The following CADM2 variants were observed in gnomAD, a reference collection of about 807,000 sequenced individuals.
The protein encoded by CADM2 is cell adhesion molecule 2.
A neutral mutation model predicts 49.8 loss-of-function variants in CADM2; 12 were observed. The observed-to-expected ratio is 0.24, with a 90% CI of 0.15 to 0.39. The LOEUF (loss-of-function observed/expected upper bound fraction) is 0.39. Ranked by LOEUF, CADM2 falls within the 10% of genes least tolerant of loss-of-function variation. The pLI, the probability that CADM2 is intolerant of heterozygous loss-of-function variation, is 1.00. For missense variants in CADM2, 378 were observed against 492.3 expected (o/e 0.77, Z 2.20); for synonymous variants, 214 against 175.4 (o/e 1.22, Z -1.74).
chr3:85,359,385 A>G (rs2032138855), intron 1 of CADM2, among the ~76,000 whole-genome samples: 1 of 151,786 alleles, frequency 6.6e-6, no homozygotes, highest in Non-Finnish European at 1.5e-5. Flanking sequence ...TCATAGGGAC[A>G]ATAAGAGGCA....
chr3:85,941,898 C>T (rs973350740), intron 7 of CADM2, among the ~76,000 whole-genome samples: 2 of 151,968 alleles, frequency 1.3e-5, no homozygotes, highest in Non-Finnish European at 2.9e-5. Flanking sequence ...TTCTCTCATG[C>T]ATAAATGTTT....
Position 85,796,829 on chromosome 3 carries a change from G to T in CADM2, c.89-5218G>T, listed in dbSNP as rs577451537. ...ATTACTTCTCTGGCCAGTTGTGGTG[G>T]CTCATGCCTGTAATCCCAGCACTTT... is the stretch of plus-strand genomic sequence containing the variant. On this transcript the variant is annotated intron_variant, in intron 2 of 9. Transcript: ENST00000383699. Among the ~76,000 whole-genome samples the T allele has an allele frequency of 7.6e-4, 115 of 152,164 alleles. 2 individuals are homozygous for T. The highest frequency in any genetic ancestry group is 3.4e-3 in the Middle Eastern group (1 of 294).
intron 2 of CADM2, among the ~76,000 whole-genome samples, chr3:85,743,688 T>C (rs2068489222): frequency 6.6e-6 from 1 of 152,010 alleles, no homozygotes; most frequent in Non-Finnish European, 1.5e-5. Context: ...TCCTCACAAA[T>C]CCAGATACAG....
chr3:85,700,740 C>G (rs1331529990), intron 1 of CADM2, among the ~76,000 whole-genome samples: 1 of 152,152 alleles, frequency 6.6e-6, no homozygotes, highest in African/African-American at 2.4e-5. Context: ...TTCCTCATTT[C>G]CATTTGAGAT....
chr3:85,050,088 C>CAGAGGG (rs2035824911), intron 1 of CADM2, among the ~76,000 whole-genome samples: 1 of 151,846 alleles, frequency 6.6e-6, no homozygotes, highest in Non-Finnish European at 1.5e-5. Context: ...GTTGTGGAAA[C>CAGAGGG]AGAGTGTATC....
intron 1 of CADM2, among the ~76,000 whole-genome samples, chr3:85,634,683 A>G (rs2064407846): frequency 6.6e-6 from 1 of 152,066 alleles, no homozygotes; most frequent in East Asian, 1.9e-4. Context: ...GCAATTTTAC[A>G]TATATATGTG....
intron 3 of CADM2, among the ~76,000 whole-genome samples, chr3:85,876,951 G>A (rs1364380980): frequency 2.0e-5 from 3 of 152,042 alleles, no homozygotes; most frequent in African/African-American, 7.2e-5. Context: ...CAAAATACAC[G>A]TTTGTATGAT....
intron 2 of CADM2, among the ~76,000 whole-genome samples, chr3:85,770,998 C>T (rs1199053216): frequency 6.6e-6 from 1 of 152,182 alleles, no homozygotes; most frequent in East Asian, 1.9e-4. Context: ...TATCCTGTGT[C>T]TCATGATAGG....
intron 1 of CADM2, among the ~76,000 whole-genome samples, chr3:85,118,787 T>C (rs984585681): frequency 6.6e-6 from 1 of 152,230 alleles, no homozygotes; most frequent in Non-Finnish European, 1.5e-5. Context: ...TTCACTCTTG[T>C]TGACCAGGCT....
At chr3:85,101,675 G>A (rs2038019117) in intron 1 of CADM2, among the ~76,000 whole-genome samples, 1 of 152,128 alleles carries the variant, frequency 6.6e-6, no homozygotes, top group Admixed American at 6.5e-5. Context: ...CATGACTACA[G>A]CTTAGAAGTA....
intron 1 of CADM2, among the ~76,000 whole-genome samples, chr3:85,286,348 G>T (rs1053531223): frequency 2.6e-5 from 4 of 152,130 alleles, no homozygotes; most frequent in African/African-American, 9.7e-5. Context: ...TAACAAAGCT[G>T]TATTTTATTT....
chr3:85,198,696 A>G (rs1469746501), intron 1 of CADM2, among the ~76,000 whole-genome samples: 1 of 151,944 alleles, frequency 6.6e-6, no homozygotes, highest in Non-Finnish European at 1.5e-5. Flanking sequence ...ACATATATTT[A>G]GCTAACAATA....
intron 3 of CADM2, among the ~76,000 whole-genome samples, chr3:85,845,714 A>G (rs1003914202): frequency 1.3e-5 from 2 of 152,200 alleles, no homozygotes; most frequent in African/African-American, 2.4e-5. Flanking sequence ...AGTGGGCCTC[A>G]AGGCTATCAT....
intron 2 of CADM2, among the ~76,000 whole-genome samples, chr3:85,751,740 T>C (rs2068868334): frequency 6.6e-6 from 1 of 152,202 alleles, no homozygotes; most frequent in Admixed American, 6.5e-5. Flanking sequence ...TTTTAAAAAC[T>C]CGACAACCAA....
In CADM2 at chr3:86,013,325, CAAAG is replaced by C. The variant is rs1731791212; in HGVS notation, c.970+51681_970+51684del. ...CTCTATCCCTTGAAGAGAAGGAAAA[CAAAG>C]AATACCTAAAATCTCTATTTGAATT... On this transcript the variant is annotated intron_variant, in intron 8 of 9. Transcript: ENST00000383699. 25 of 1,545,042 alleles carry C rather than the reference CAAAG, an allele frequency of 1.6e-5. No homozygotes were observed. The South Asian group carries it at 2.7e-4, about 17-fold the overall frequency.
chr3:85,004,547 T>C (rs73139658), intron 1 of CADM2, among the ~76,000 whole-genome samples: 7,212 of 152,166 alleles, frequency 0.047, 217 homozygotes, highest in Admixed American at 0.089. Context: ...TTCTGAGGCA[T>C]GTATGTGAGA....
intron 1 of CADM2, among the ~76,000 whole-genome samples, chr3:85,460,251 C>T (rs1233633218): frequency 2.0e-5 from 3 of 150,636 alleles, no homozygotes; most frequent in African/African-American, 7.4e-5. Context: ...GGGAGTATTT[C>T]TGAATATGAT....
chr3:85,470,384 C>A lies in CADM2; in HGVS notation c.62-256138C>A, dbSNP rs149982835. ...GGGATAGCTTTCAAAAACTTAAAGACACTTAAGTCTATGTGCTGAAATATA... is the reference window on the plus strand; with the variant it reads ...GGGATAGCTTTCAAAAACTTAAAGAAACTTAAGTCTATGTGCTGAAATATA... On this transcript the variant is annotated intron_variant, in intron 1 of 9. Coordinates refer to ENST00000383699, the MANE Select transcript of CADM2 (RefSeq NM_001167675.2). Among the ~76,000 whole-genome samples, 103 of 152,208 alleles carry A rather than the reference C, an allele frequency of 6.8e-4. 1 individual carries two copies. Among genetic ancestry groups the A allele is most frequent in the African/African-American group, 2.3e-3 (96 of 41,524 alleles).
At chr3:85,399,227 A>C (rs2034959100) in intron 1 of CADM2, among the ~76,000 whole-genome samples, 1 of 152,184 alleles carries the variant, frequency 6.6e-6, no homozygotes, top group African/African-American at 2.4e-5. Flanking sequence ...GTTTCCCAGC[A>C]CCATTTATTA....
Sources: allele counts gnomAD v4.1 joint callset (sites outside exome capture counted in the v4.1 genomes callset), GRCh38; gene constraint gnomAD v4.1.1; transcripts MANE v1.5; gene names NCBI Gene and HGNC (gene_info 2026-07-23, HGNC 2026-07-21).